The following NLK variants were observed in gnomAD, a reference collection of about 807,000 sequenced individuals.
NLK encodes nemo like kinase.
A neutral mutation model predicts 59.0 loss-of-function variants in NLK; 11 were observed. The ratio of observed to expected loss-of-function variants is 0.19; its 90% CI spans 0.12 to 0.31. NLK has a LOEUF of 0.31. Ranked by LOEUF, NLK falls within the 10% of genes least tolerant of loss-of-function variation. NLK has a pLI of 1.00. For missense variants in NLK, 410 were observed against 661.1 expected (o/e 0.62, Z 4.16); for synonymous variants, 235 against 235.9 (o/e 1.00, Z 0.03).
chr17:28,179,874 T>G (rs573803029), intron 7 of NLK, among the ~76,000 whole-genome samples: 8 of 138,566 alleles, frequency 5.8e-5, no homozygotes, highest in African/African-American at 2.1e-4. Flanking sequence ...CATTCTTGGT[T>G]TTTTTTTTTT....
At chr17:28,139,463 AAGGTTG>A (rs1341773946) in intron 3 of NLK, among the ~76,000 whole-genome samples, 14 of 152,204 alleles carry the variant, frequency 9.2e-5, no homozygotes, top group Non-Finnish European at 1.8e-4. Context: ...AAACCAAAGA[AAGGTTG>A]ATAGAACAAT....
At chr17:28,140,197 G>T (rs1177397937) in intron 3 of NLK, among the ~76,000 whole-genome samples, 2 of 152,104 alleles carry the variant, frequency 1.3e-5, no homozygotes, top group East Asian at 3.8e-4. Context: ...GGGGGATTTT[G>T]AATGTTGAAC....
chr17:28,177,664 TG>T (rs1908739597), intron 7 of NLK, among the ~76,000 whole-genome samples: 1 of 152,230 alleles, frequency 6.6e-6, no homozygotes, highest in Admixed American at 6.5e-5. Context: ...ACAATCCTTC[TG>T]GAAAGAGCTT....
chr17:28,141,520 C>G (rs2095926623), intron 3 of NLK, among the ~76,000 whole-genome samples: 1 of 152,110 alleles, frequency 6.6e-6, no homozygotes, highest in African/African-American at 2.4e-5. Flanking sequence ...ATTTGTGCAG[C>G]TTTACAGTAG....
chr17:28,160,456 A>C (rs1012753750), intron 3 of NLK, among the ~76,000 whole-genome samples: 1 of 152,184 alleles, frequency 6.6e-6, no homozygotes, highest in Non-Finnish European at 1.5e-5. Context: ...CACGTGCTTC[A>C]CAAGAGTCTT....
chr17:28,064,566 TA>T (rs1405315124), intron 1 of NLK, among the ~76,000 whole-genome samples: 1 of 152,130 alleles, frequency 6.6e-6, no homozygotes, highest in African/African-American at 2.4e-5. Context: ...CATTATTTTT[TA>T]AAAAAAGTTT....
chr17:28,161,116 A>AG, intron 3 of NLK, 44 bp from the exon 4 acceptor site: 1 of 1,013,720 alleles, frequency 9.9e-7, no homozygotes, highest in Non-Finnish European at 1.6e-6. Flanking sequence ...TTGAGGGGGT[A>AG]GGGGACTGAA....
At chr17:28,107,047 G>A (rs1905195197) in intron 1 of NLK, among the ~76,000 whole-genome samples, 1 of 152,120 alleles carries the variant, frequency 6.6e-6, no homozygotes, top group African/African-American at 2.4e-5. Flanking sequence ...ACACAACTAA[G>A]TATTTTGAAT....
At chr17:28,074,816 G>C (rs758148715) in intron 1 of NLK, among the ~76,000 whole-genome samples, 3 of 152,198 alleles carry the variant, frequency 2.0e-5, no homozygotes, top group Non-Finnish European at 4.4e-5. Context: ...AGCAACTAGT[G>C]TAGCGGTTGG....
intron 1 of NLK, among the ~76,000 whole-genome samples, chr17:28,109,333 T>G (rs1224985692): frequency 6.6e-6 from 1 of 152,228 alleles, no homozygotes; most frequent in Non-Finnish European, 1.5e-5. Context: ...TACAATATTG[T>G]AAACAGTTGA....
At chr17:28,198,225 C>T (rs182380264), downstream of NLK, among the ~76,000 whole-genome samples, 56 of 152,296 alleles carry the variant, frequency 3.7e-4, no homozygotes, top group Non-Finnish European at 6.6e-4. Context: ...CAGGCTCAAC[C>T]TCCGAGGCTC....
At chr17:28,122,515 A>T in intron 1 of NLK, 88 bp from the exon 2 acceptor site, 1 of 1,382,816 alleles carries the variant, frequency 7.2e-7, no homozygotes, top group Non-Finnish European at 1.0e-6. Context: ...AGATAAAGAT[A>T]TTGTCATGAT....
intron 1 of NLK, among the ~76,000 whole-genome samples, chr17:28,120,944 A>C (rs1043751179): frequency 6.6e-6 from 1 of 152,168 alleles, no homozygotes; most frequent in African/African-American, 2.4e-5. Flanking sequence ...GAATATCCAT[A>C]CTCAAGGTTA....
In NLK at chr17:28,042,994, C is replaced by T. The variant is rs1307215495; in HGVS notation, c.121C>T (p.Pro41Ser). ...HHHHLPHLPP[P>S]HLHHHHHPQH... ...CCACCACCTTCCACACCTCCCTCCT[C>T]CTCACCTGCACCACCACCACCACCC... Residue 41 changes from proline (P) to serine (S), a missense_variant, in exon 1 of 11, where the codon CCT becomes TCT. Around this residue, in one of 5 missense-constraint regions of NLK, gnomAD observed 160 missense variants for 171.0 expected, o/e 0.94. Transcript: ENST00000407008. The T allele has an allele frequency of 7.7e-6, 12 of 1,557,034 alleles. No homozygotes were observed. The highest frequency in any genetic ancestry group is 1.9e-5 in the Admixed American group (1 of 51,370).
In NLK at chr17:28,070,034, G is replaced by A. The variant is rs141472488; in HGVS notation, c.458+26703G>A. ...GCAGATCACCTGAGGTCAGGAGTTC[G>A]AGATCAGCCTGGCCAACATGGTGAA... On this transcript the variant is annotated intron_variant, in intron 1 of 10. Coordinates refer to ENST00000407008, the MANE Select transcript of NLK (RefSeq NM_016231.5). Among the ~76,000 whole-genome samples, 280 of 152,026 alleles carry A rather than the reference G, an allele frequency of 1.8e-3. 3 individuals are homozygous for A. Among genetic ancestry groups the A allele is most frequent in the African/African-American group, 6.1e-3 (254 of 41,456 alleles).
At chr17:28,047,296 T>A (rs186125325) in intron 1 of NLK, among the ~76,000 whole-genome samples, 37 of 152,318 alleles carry the variant, frequency 2.4e-4, no homozygotes, top group Admixed American at 2.3e-3. Context: ...TCAGGTGAAA[T>A]CAGCATGCAG....
chr17:28,103,517 A>G lies in NLK; in HGVS notation c.459-19086A>G, dbSNP rs114462166. Among the ~76,000 whole-genome samples, 898 of 152,330 alleles carry G rather than the reference A, an allele frequency of 5.9e-3. 10 individuals are homozygous for G. The highest frequency in any genetic ancestry group is 0.021 in the African/African-American group (856 of 41,572). On this transcript the variant is annotated intron_variant, in intron 1 of 10. Transcript: ENST00000407008. ...ACATATTTAAGGTCTTAAAGATTCAATTAAGGGAAGTTTTGTGTATGTGTA... is the reference window on the plus strand; with the variant it reads ...ACATATTTAAGGTCTTAAAGATTCAGTTAAGGGAAGTTTTGTGTATGTGTA...
chr17:28,176,524 G>T (rs936377910), intron 7 of NLK, among the ~76,000 whole-genome samples: 1 of 152,132 alleles, frequency 6.6e-6, no homozygotes, highest in African/African-American at 2.4e-5. Context: ...GATGGGAAAT[G>T]GAAGATTAAC....
chr17:28,125,748 T>C lies in NLK; in HGVS notation c.588+3016T>C, dbSNP rs1906264225. Reference sequence around the variant, plus strand: ...GTTAAGGCAGCAAATGTTTATTTATTGTGTCCTATGTAAGGAGTGCGGTGC... The same window carrying C: ...GTTAAGGCAGCAAATGTTTATTTATCGTGTCCTATGTAAGGAGTGCGGTGC... On this transcript the variant is annotated intron_variant, in intron 2 of 10. Coordinates refer to ENST00000407008, the MANE Select transcript of NLK (RefSeq NM_016231.5). Among the ~76,000 whole-genome samples, 2 of 152,236 alleles carry C rather than the reference T, an allele frequency of 1.3e-5. 1 individual carries two copies. The highest frequency in any genetic ancestry group is 4.1e-4 in the South Asian group (2 of 4,832).
Sources: allele counts gnomAD v4.1 joint callset (sites outside exome capture counted in the v4.1 genomes callset), GRCh38; gene constraint gnomAD v4.1.1; regional missense constraint gnomAD v4.1.1; transcripts MANE v1.5; gene names NCBI Gene and HGNC (gene_info 2026-07-23, HGNC 2026-07-21).